The following OPCML variants were observed in gnomAD, a reference collection of about 807,000 sequenced individuals.
OPCML encodes the protein opioid-binding protein/cell adhesion molecule.
OPCML carries 13 observed loss-of-function variants against 37.8 expected under a neutral mutation model. The ratio of observed to expected loss-of-function variants is 0.34; its 90% confidence interval spans 0.22 to 0.55. The LOEUF (loss-of-function observed/expected upper bound fraction) is 0.55, where lower values mean the gene tolerates loss of function less well. Ranked by LOEUF, OPCML falls within the 20% of genes least tolerant of loss-of-function variation. OPCML has a pLI of 0.91. For missense variants in OPCML, 341 were observed against 435.6 expected (o/e 0.78, Z 1.93); for synonymous variants, 176 against 168.8 (o/e 1.04, Z -0.33).
At chr11:132,556,149 C>T (rs2096395084) in intron 3 of OPCML, among the ~76,000 whole-genome samples, 1 of 152,066 alleles carries the variant, frequency 6.6e-6, no homozygotes, top group Admixed American at 6.6e-5. Context: ...TGCTGTGTTG[C>T]CCAGGCTGGT....
intron 2 of OPCML, among the ~76,000 whole-genome samples, chr11:132,744,533 G>C (rs754142171): frequency 2.5e-4 from 38 of 152,206 alleles, no homozygotes; most frequent in Non-Finnish European, 4.6e-4. Context: ...CATTGATACA[G>C]AGAGCCAAAT....
At chr11:132,545,518 C>G (rs1305210672) in intron 3 of OPCML, among the ~76,000 whole-genome samples, 2 of 152,156 alleles carry the variant, frequency 1.3e-5, no homozygotes, top group Non-Finnish European at 2.9e-5. Context: ...AAAGTTGATA[C>G]ATTAACATAA....
intron 2 of OPCML, among the ~76,000 whole-genome samples, chr11:132,782,014 A>G (rs1397476181): frequency 4.3e-5 from 6 of 140,288 alleles, no homozygotes; most frequent in Admixed American, 3.7e-4. Flanking sequence ...TAATGAAGTC[A>G]TTTGATTCAG....
intron 3 of OPCML, among the ~76,000 whole-genome samples, chr11:132,612,932 T>C (rs1938747874): frequency 6.6e-6 from 1 of 152,136 alleles, no homozygotes; most frequent in Admixed American, 6.5e-5. Context: ...ACAGCCTCAA[T>C]TCATTCTAGA....
intron 1 of OPCML, among the ~76,000 whole-genome samples, chr11:133,222,570 T>G (rs1218581612): frequency 1.3e-5 from 2 of 152,170 alleles, no homozygotes; most frequent in African/African-American, 4.8e-5. Flanking sequence ...TGTGTTTGTT[T>G]CCAGCACTTA....
At chr11:132,445,703 C>T (rs576088075) in intron 4 of OPCML, among the ~76,000 whole-genome samples, 1 of 152,108 alleles carries the variant, frequency 6.6e-6, no homozygotes, top group Admixed American at 6.5e-5. Flanking sequence ...CCAGGGGACT[C>T]TAATGTACAG....
intron 4 of OPCML, among the ~76,000 whole-genome samples, chr11:132,438,463 C>G (rs567330758): frequency 3.3e-5 from 5 of 152,248 alleles, no homozygotes; most frequent in African/African-American, 1.2e-4. Context: ...GGATGTGAAG[C>G]AGGAAGGTGT....
chr11:132,536,357 A>G (rs1406817509), intron 3 of OPCML, among the ~76,000 whole-genome samples: 1 of 151,976 alleles, frequency 6.6e-6, no homozygotes, highest in Non-Finnish European at 1.5e-5. Flanking sequence ...TTTGAACACA[A>G]TTTTTTTCCT....
chr11:133,497,770 G>A (rs1242241651), intron 1 of OPCML, among the ~76,000 whole-genome samples: 1 of 152,194 alleles, frequency 6.6e-6, no homozygotes, highest in African/African-American at 2.4e-5. Context: ...CTCAGCAAAA[G>A]GCTGCAAACT....
chr11:132,519,244 T>C (rs533062242), intron 4 of OPCML, among the ~76,000 whole-genome samples: 6 of 151,992 alleles, frequency 3.9e-5, no homozygotes, highest in South Asian at 2.1e-4. Context: ...TTAGTGAGGG[T>C]TTTCCACCTT....
chr11:132,534,420 T>C (rs1315113956), intron 3 of OPCML, among the ~76,000 whole-genome samples: 3 of 152,122 alleles, frequency 2.0e-5, no homozygotes, highest in African/African-American at 7.2e-5. Context: ...AATAGATGCT[T>C]AATAAAAACT....
chr11:132,680,941 G>A (rs184161811), intron 2 of OPCML, among the ~76,000 whole-genome samples: 28 of 152,320 alleles, frequency 1.8e-4, no homozygotes, highest in Admixed American at 7.2e-4. Flanking sequence ...CAAGCATCGC[G>A]CAGCGTGGTG....
intron 3 of OPCML, among the ~76,000 whole-genome samples, chr11:132,609,600 G>A (rs963477500): frequency 1.1e-4 from 17 of 152,252 alleles, no homozygotes; most frequent in African/African-American, 3.6e-4. Flanking sequence ...CTCTTGTAGG[G>A]CTCCTCTGTG....
intron 2 of OPCML, among the ~76,000 whole-genome samples, chr11:132,732,326 T>C (rs1338707445): frequency 6.6e-6 from 1 of 152,052 alleles, no homozygotes; most frequent in Non-Finnish European, 1.5e-5. Context: ...GAAAGGAAAA[T>C]TCGTGGACAA....
intron 1 of OPCML, among the ~76,000 whole-genome samples, chr11:133,489,426 A>C (rs993979726): frequency 6.6e-6 from 1 of 152,182 alleles, no homozygotes; most frequent in Non-Finnish European, 1.5e-5. Flanking sequence ...CAAAGGACAT[A>C]AACAGACATT....
At chr11:132,500,564 A>T (rs1031368494) in intron 4 of OPCML, among the ~76,000 whole-genome samples, 1 of 152,012 alleles carries the variant, frequency 6.6e-6, no homozygotes, top group African/African-American at 2.4e-5. Context: ...TTTATTTATT[A>T]TTTATTTTGT....
At chr11:133,257,786 A>G (rs1455087057) in intron 1 of OPCML, among the ~76,000 whole-genome samples, 1 of 151,916 alleles carries the variant, frequency 6.6e-6, no homozygotes, top group African/African-American at 2.4e-5. Context: ...ACATTTATTG[A>G]GCATCTAGTC....
At chr11:133,093,261 ATCGTTCTTTTT>A (rs991503788) in intron 1 of OPCML, among the ~76,000 whole-genome samples, 1 of 145,448 alleles carries the variant, frequency 6.9e-6, no homozygotes, top group African/African-American at 2.6e-5. Flanking sequence ...AATCCAATGT[ATCGTTCTTTTT>A]TTTCCATTTT....
At chr11:132,435,095 G>A (rs1456002813) in intron 7 of OPCML, 1 of 935,078 alleles carries the variant, frequency 1.1e-6, no homozygotes, top group African/African-American at 1.7e-5. Flanking sequence ...CTTTGAAGTA[G>A]GCTAAAACTC....
Sources: allele counts gnomAD v4.1 joint callset (sites outside exome capture counted in the v4.1 genomes callset), GRCh38; gene constraint gnomAD v4.1.1; transcripts MANE v1.5; gene names NCBI Gene and HGNC (gene_info 2026-07-23, HGNC 2026-07-21).